The following DISC1 variants were observed in gnomAD, a reference collection of about 807,000 sequenced individuals.
DISC1 encodes DISC1 scaffold protein, also known as disrupted in schizophrenia 1 protein.
Under a neutral mutation model 84.5 loss-of-function variants are expected in DISC1, and 57 were observed. That is an observed-to-expected ratio of 0.67 (90% CI 0.55 to 0.84). DISC1 has a LOEUF of 0.84. Ranked by LOEUF, DISC1 falls within the 40% of genes least tolerant of loss-of-function variation. The pLI is 0.00. For missense variants in DISC1, 1,000 were observed against 1,057.8 expected, an observed-to-expected ratio of 0.95 and a Z score of 0.76; for synonymous variants, 411 against 415.2, an observed-to-expected ratio of 0.99 and a Z score of 0.12.
intron 12 of DISC1, among the ~76,000 whole-genome samples, chr1:232,030,905 G>A (rs1669953682): frequency 1.3e-5 from 2 of 152,072 alleles, no homozygotes; most frequent in Admixed American, 6.6e-5. Flanking sequence ...TTGAGACCAG[G>A]AGTTTGAGAC....
Position 231,749,915 on chromosome 1 carries a change from T to A in DISC1, c.1118-11T>A. ...TCTTTTTTCCTCTCTCTCATCATTT[T>A]GGGTTTCCAGCTGAGACGTTACAAC... On this transcript the variant is annotated splice_polypyrimidine_tract_variant and intron_variant, in intron 3 of 12. Transcript: ENST00000439617. 2 of 1,614,184 alleles carry A rather than the reference T, an allele frequency of 1.2e-6. No individual in the cohort carries two copies. Among genetic ancestry groups the A allele is most frequent in the Non-Finnish European group, 1.7e-6 (2 of 1,180,012 alleles).
rs182421257 is a variant in DISC1 at position 231,826,899 on chromosome 1, A to T, written c.1981+8382A>T. Among the ~76,000 whole-genome samples the T allele has an allele frequency of 5.4e-3, 823 of 152,348 alleles. 5 individuals are homozygous for T. Among genetic ancestry groups the T allele is most frequent in the Non-Finnish European group, 9.0e-3 (614 of 68,032 alleles). On this transcript the variant is annotated intron_variant, in intron 9 of 12. Transcript: ENST00000439617. The surrounding 1 kb of genome is among the most constrained non-coding windows in gnomAD (Gnocchi z 4.2). Reference sequence around the variant, plus strand: ...GCTTTTAAGAATTTACTAATTTGTCATCCTTTTGATTACAAGGAATTCAAT... The same window carrying T: ...GCTTTTAAGAATTTACTAATTTGTCTTCCTTTTGATTACAAGGAATTCAAT...
rs541869679 is a variant in DISC1, at chr1:231,680,959, AAAT to A, written c.68-12864_68-12862del. On this transcript the variant is annotated intron_variant, in intron 1 of 12. Coordinates refer to ENST00000439617, the MANE Select transcript of DISC1 (RefSeq NM_018662.3). The stretch of plus-strand genomic sequence containing the variant: ...GAGTTTGCAGCTCTTTGCTGCAAAA[AAAT>A]AAGAGCAGAAACTTAAGTTGTTTAG... Among the ~76,000 whole-genome samples the A allele has an allele frequency of 2.0e-5, 3 of 152,328 alleles. No homozygotes were observed. In the East Asian group the frequency reaches 5.8e-4, roughly 29 times the overall value.
intron 9 of DISC1, among the ~76,000 whole-genome samples, chr1:231,886,831 C>CT (rs1414941229): frequency 2.3e-4 from 27 of 114,950 alleles, no homozygotes; most frequent in Non-Finnish European, 4.1e-4. Context: ...TTCTTTCTTT[C>CT]TTTCCTTCTT....
chr1:232,026,213 A>T (rs771863145), intron 11 of DISC1, among the ~76,000 whole-genome samples: 7 of 152,170 alleles, frequency 4.6e-5, no homozygotes, highest in Non-Finnish European at 1.0e-4. Flanking sequence ...TGACCAGACA[A>T]GGGAGGTGGC....
intron 9 of DISC1, chr1:231,944,959 T>C (rs1386282461): frequency 1.3e-5 from 2 of 152,174 alleles, no homozygotes; most frequent in Admixed American, 1.3e-4. Flanking sequence ...CTTAGAGACC[T>C]ACAAAGCGGC....
At chr1:231,730,445 T>C (rs1356772083) in intron 3 of DISC1, among the ~76,000 whole-genome samples, 1 of 152,228 alleles carries the variant, frequency 6.6e-6, no homozygotes, top group East Asian at 1.9e-4. Flanking sequence ...AAACTTTAGA[T>C]TCAGGGGATA....
At chr1:231,638,294 G>T (rs1481756759) in intron 1 of DISC1, among the ~76,000 whole-genome samples, 1 of 152,106 alleles carries the variant, frequency 6.6e-6, no homozygotes, top group Non-Finnish European at 1.5e-5. Flanking sequence ...TAAGTCTGTT[G>T]ATTATTTCCT....
At chr1:231,678,960 G>A (rs943600148) in intron 1 of DISC1, among the ~76,000 whole-genome samples, 5 of 152,210 alleles carry the variant, frequency 3.3e-5, no homozygotes, top group African/African-American at 1.2e-4. Flanking sequence ...ACAGGCATGA[G>A]CCACCGCGCC....
intron 9 of DISC1, among the ~76,000 whole-genome samples, chr1:231,860,292 T>G (rs555719775): frequency 4.6e-5 from 7 of 152,304 alleles, no homozygotes; most frequent in African/African-American, 1.7e-4. Flanking sequence ...AGGTTGAGTA[T>G]CCCTTATCTA....
chr1:232,005,775 T>G (rs1011315421), intron 10 of DISC1, among the ~76,000 whole-genome samples: 2 of 152,174 alleles, frequency 1.3e-5, no homozygotes, highest in African/African-American at 4.8e-5. Flanking sequence ...AAAATCAAAT[T>G]AAAAGTATCT....
At chr1:232,024,695 C>A (rs1462857280) in intron 11 of DISC1, among the ~76,000 whole-genome samples, 1 of 151,880 alleles carries the variant, frequency 6.6e-6, no homozygotes, top group Non-Finnish European at 1.5e-5. Context: ...CGGGTTCAAG[C>A]GATTCTTCTG....
chr1:231,632,743 A>T (rs184612907), intron 1 of DISC1, among the ~76,000 whole-genome samples: 11 of 152,274 alleles, frequency 7.2e-5, no homozygotes, highest in South Asian at 6.2e-4. Context: ...ATTGAACTGA[A>T]TCCCTTTTTT....
chr1:231,713,038 G>C (rs2068079247), intron 3 of DISC1, among the ~76,000 whole-genome samples: 1 of 152,178 alleles, frequency 6.6e-6, no homozygotes, highest in Admixed American at 6.5e-5. Context: ...CTTGAGTTAA[G>C]TGTAAGGTTG....
chr1:231,854,485 T>C (rs373710583), intron 9 of DISC1, among the ~76,000 whole-genome samples: 1 of 152,192 alleles, frequency 6.6e-6, no homozygotes, highest in Non-Finnish European at 1.5e-5. Flanking sequence ...GCAGTATATG[T>C]AAACCTTCTA....
intron 1 of DISC1, chr1:231,685,137 G>A (rs1325339035): frequency 6.6e-6 from 1 of 152,372 alleles, no homozygotes; most frequent in East Asian, 1.9e-4. Flanking sequence ...TCGGTTGGTG[G>A]ATTTTGAAAG....
At chr1:231,766,601 G>A (rs2076195261) in intron 4 of DISC1, among the ~76,000 whole-genome samples, 1 of 152,152 alleles carries the variant, frequency 6.6e-6, no homozygotes, top group South Asian at 2.1e-4. Context: ...AAAGGCAAGG[G>A]AACTGGTGAA....
intron 8 of DISC1, among the ~76,000 whole-genome samples, chr1:231,814,575 C>T (rs80337485): frequency 0.011 from 1,718 of 152,136 alleles, 32 homozygotes; most frequent in African/African-American, 0.04. Context: ...TCAATGTTGT[C>T]GAGGTTTGTG....
At chr1:231,795,474 T>G (rs2078685453) in intron 7 of DISC1, among the ~76,000 whole-genome samples, 178 bp downstream of exon 7, 1 of 152,214 alleles carries the variant, frequency 6.6e-6, no homozygotes, top group African/African-American at 2.4e-5. Context: ...TCTGTCATAG[T>G]GGAGGTCTTG....
Sources: allele counts gnomAD v4.1 joint callset (sites outside exome capture counted in the v4.1 genomes callset), GRCh38; gene constraint gnomAD v4.1.1; non-coding constraint Gnocchi (gnomAD v3.1); transcripts MANE v1.5; gene names NCBI Gene and HGNC (gene_info 2026-07-23, HGNC 2026-07-21).